The following VEPH1 variants were observed in gnomAD, a reference collection of about 807,000 sequenced individuals.
VEPH1 encodes the protein ventricular zone expressed PH domain containing 1.
VEPH1 carries 80 observed loss-of-function variants against 85.2 expected under a neutral mutation model. The observed-to-expected ratio is 0.94, with a 90% CI of 0.78 to 1.13. The LOEUF is 1.13. Among genes scored for constraint, VEPH1 ranks in the 50% most tolerant of loss-of-function variants. VEPH1 has a pLI of 0.00. For synonymous variants in VEPH1, 297 were observed against 348.0 expected (o/e 0.85, Z 1.63); for missense variants, 955 against 980.5 (o/e 0.97, Z 0.35).
At chr3:157,421,247 T>A (rs13064292) in intron 5 of VEPH1, among the ~76,000 whole-genome samples, 31,814 of 151,566 alleles carry the variant, frequency 0.21, 4,268 homozygotes, top group South Asian at 0.51. Flanking sequence ...ATGTAGAGAA[T>A]TTTTTTTTCA....
chr3:157,445,345 A>G (rs951239474), intron 4 of VEPH1, among the ~76,000 whole-genome samples: 10 of 152,202 alleles, frequency 6.6e-5, no homozygotes, highest in African/African-American at 2.4e-5. Context: ...AACTACAGCC[A>G]GGCGGGGTGG....
At position 157,265,460 on chromosome 3, in the gene VEPH1, C is replaced by T. The variant is rs137938339; in HGVS notation, c.2265+66G>A. On this transcript the variant is annotated intron_variant, in intron 13 of 13. Transcript: ENST00000362010. ...ATTAGAGTTTAAACCCAAGACAAAA[C>T]GTTTAGCTATTGGTGGAGATCAAAA... The T allele has an allele frequency of 1.8e-3, 2,772 of 1,525,856 alleles. 71 individuals are homozygous for T. The South Asian group carries it at 0.03, about 16-fold the overall frequency. The allele number at this position is 1,525,856 out of a possible 1,614,324, so 94.5% of individuals were successfully genotyped here.
Position 157,363,460 on chromosome 3 carries a change from G to C in VEPH1, c.1639C>G (p.Leu547Val), listed in dbSNP as rs1209889433. 2 of 1,613,934 alleles carry C rather than the reference G, an allele frequency of 1.2e-6. No individual in the cohort carries two copies. Among genetic ancestry groups the C allele is most frequent in the Non-Finnish European group, 1.7e-6 (2 of 1,179,954 alleles). Residue 547 changes from leucine (L) to valine (V), a missense_variant, in exon 9 of 14, where the codon CTC (leucine) becomes GTC (valine). Physicochemically the swap from Leu to Val is conservative, Grantham distance 32 (BLOSUM62 1). Coordinates refer to ENST00000362010, the MANE Select transcript of VEPH1 (RefSeq NM_001167912.2). ...AGGTTTTTTTTTAAGTGCAAGTAGA[G>C]CTTATCTTGGTATTCTATAGGACTT... is the stretch of plus-strand genomic sequence containing the variant. ...TASPIEYQDK[L>V]YLHLKKNLSK...
intron 6 of VEPH1, among the ~76,000 whole-genome samples, chr3:157,393,688 A>G (rs1730097240): frequency 6.6e-6 from 1 of 152,238 alleles, no homozygotes; most frequent in East Asian, 1.9e-4. Context: ...GAAATTATCA[A>G]TAACATTGGC....
chr3:157,386,960 G>C (rs1729369433), intron 6 of VEPH1, among the ~76,000 whole-genome samples: 1 of 152,208 alleles, frequency 6.6e-6, no homozygotes, highest in South Asian at 2.1e-4. Context: ...CATGGACCAT[G>C]CTGAGTATTG....
chr3:157,395,659 A>G, intron 6 of VEPH1, among the ~76,000 whole-genome samples: 1 of 152,182 alleles, frequency 6.6e-6, no homozygotes, highest in South Asian at 2.1e-4. Context: ...TTGGCCACTC[A>G]GGTCCATCCA....
chr3:157,374,873 T>C (rs1371671927), intron 7 of VEPH1, among the ~76,000 whole-genome samples: 2 of 152,262 alleles, frequency 1.3e-5, no homozygotes, highest in African/African-American at 2.4e-5. Flanking sequence ...ATTCCTTTAA[T>C]ATTCTTTTGA....
In VEPH1 at chr3:157,400,083, G is replaced by A. The variant is rs73873674; in HGVS notation, c.906+13798C>T. ...AATGATCATTTTGTCAATTGTAAAAGGAATAAGTTTCCATTCTTCATTATT... is the reference window on the plus strand; with the variant it reads ...AATGATCATTTTGTCAATTGTAAAAAGAATAAGTTTCCATTCTTCATTATT... On this transcript the variant is annotated intron_variant, in intron 6 of 13. Transcript: ENST00000362010. Among the ~76,000 whole-genome samples, 1,177 of 152,078 alleles carry A rather than the reference G, an allele frequency of 7.7e-3. 16 individuals carry two copies. The highest frequency in any genetic ancestry group is 0.025 in the African/African-American group (1,024 of 41,506).
chr3:157,429,073 A>G (rs1422453570), intron 4 of VEPH1, among the ~76,000 whole-genome samples: 2 of 152,254 alleles, frequency 1.3e-5, no homozygotes. Context: ...TTTGTCACAC[A>G]TAATTTCCTC....
At chr3:157,369,199 A>C (rs999875571) in intron 7 of VEPH1, among the ~76,000 whole-genome samples, 2 of 148,282 alleles carry the variant, frequency 1.3e-5, no homozygotes, top group African/African-American at 2.5e-5. Context: ...AAAAAAAAAA[A>C]AAAAACCTCC....
chr3:157,466,090 T>C (rs996466063), intron 3 of VEPH1, among the ~76,000 whole-genome samples: 7 of 152,210 alleles, frequency 4.6e-5, no homozygotes, highest in African/African-American at 1.7e-4. Context: ...TGTCAATAAT[T>C]ATAATGTCCT....
rs1735659305 is a variant in VEPH1, at chr3:157,459,693, CT to C, written c.529+487del. ...CAATTAACAGAGGTGTACTATTTGG[CT>C]TTTTATGCTAGTATTTATGCTTGTT... On this transcript the variant is annotated intron_variant, in intron 4 of 13. Transcript: ENST00000362010. 3.6e-5 allele frequency: 50 copies of C among 1,388,964 alleles called. 1 individual carries two copies. In the South Asian group the frequency reaches 7.9e-4, roughly 22 times the overall value. The allele number at this position is 1,388,964 out of a possible 1,614,324, so 86.0% of individuals were successfully genotyped here.
chr3:157,379,751 T>C (rs1728553931), intron 7 of VEPH1, among the ~76,000 whole-genome samples: 1 of 152,206 alleles, frequency 6.6e-6, no homozygotes, highest in Non-Finnish European at 1.5e-5. Flanking sequence ...GGCCCCACCC[T>C]CCTCCATAAC....
intron 5 of VEPH1, among the ~76,000 whole-genome samples, chr3:157,426,749 G>A (rs537256569): frequency 6.6e-5 from 10 of 151,242 alleles, no homozygotes; most frequent in South Asian, 6.3e-4. Flanking sequence ...ACTGCATGAC[G>A]ACATTAAACT....
intron 3 of VEPH1, 28 bp from the exon 4 acceptor site, chr3:157,460,383 A>G (rs764686884): frequency 6.4e-5 from 102 of 1,591,300 alleles, no homozygotes; most frequent in Non-Finnish European, 8.3e-5. Flanking sequence ...AGCCACAAAT[A>G]ATAAGTGACT....
chr3:157,398,425 G>T (rs183063803), intron 6 of VEPH1, among the ~76,000 whole-genome samples: 1 of 152,252 alleles, frequency 6.6e-6, no homozygotes, highest in East Asian at 1.9e-4. Flanking sequence ...CACGAGGTCA[G>T]GAGATCGAGA....
rs184413951 is a variant in VEPH1, at chr3:157,436,057, G to A, written c.530-7569C>T. Among the ~76,000 whole-genome samples the A allele has an allele frequency of 2.2e-3, 334 of 152,188 alleles. 1 individual carries two copies. Among genetic ancestry groups the A allele is most frequent in the Non-Finnish European group, 3.9e-3 (267 of 67,984 alleles). ...TTTGGGAGGCGAAGGCGGGTGGATC[G>A]CCTGAGGTCAGGAGTTCGAGACCAG... On this transcript the variant is annotated intron_variant, in intron 4 of 13. Coordinates refer to ENST00000362010, the MANE Select transcript of VEPH1 (RefSeq NM_001167912.2).
chr3:157,271,375 G>A (rs150891995), intron 12 of VEPH1, among the ~76,000 whole-genome samples: 155 of 152,286 alleles, frequency 1.0e-3, no homozygotes, highest in South Asian at 7.1e-3. Context: ...CTCAAACTGA[G>A]CAGTGGAGGA....
chr3:157,480,456 C>T (rs1362702666), intron 2 of VEPH1, among the ~76,000 whole-genome samples: 2 of 151,970 alleles, frequency 1.3e-5, no homozygotes, highest in Non-Finnish European at 2.9e-5. Context: ...ACCTTCTTCC[C>T]TCCCTCTTTC....
Sources: gnomAD v4.1 joint callset for allele counts (sites outside exome capture counted in the v4.1 genomes callset) on GRCh38, gnomAD v4.1.1 for gene constraint, MANE v1.5 for transcripts, NCBI Gene and HGNC (gene_info 2026-07-23, HGNC 2026-07-21) for gene names.